ANK2: variants seen among roughly 807,000 people sequenced by gnomAD.
The protein encoded by ANK2 is ankyrin 2, also known as ankyrin-2.
In ANK2, 83 loss-of-function variants were observed where a neutral mutation model predicts 360.5. The observed-to-expected ratio is 0.23, with a 90% CI of 0.19 to 0.28. The LOEUF is 0.28. Ranked by LOEUF, ANK2 falls within the 10% of genes least tolerant of loss-of-function variation. The pLI is 1.00. For missense variants in ANK2, 4,201 were observed against 4,795.7 expected, an observed-to-expected ratio of 0.88 and a Z score of 3.66; for synonymous variants, 1,740 against 1,759.5, an observed-to-expected ratio of 0.99 and a Z score of 0.28.
Position 113,354,222 on chromosome 4 carries a change from T to A in ANK2, c.5604T>A (p.Pro1868=), listed in dbSNP as rs774827520. The A allele has an allele frequency of 6.2e-7, 1 of 1,613,876 alleles. No homozygotes were observed. The highest frequency in any genetic ancestry group is 1.3e-5 in the African/African-American group (1 of 74,888). ...SPSAKTERHS[P]ASSSSKTEKH... ...CTGCAAAAACGGAAAGACATTCACC[T>A]GCGTCATCATCGAGTAAAACTGAGA... Residue 1868 remains proline, a synonymous_variant, in exon 38 of 46, where the codon CCT becomes CCA. Transcript: ENST00000357077.
intron 2 of ANK2, among the ~76,000 whole-genome samples, chr4:113,007,819 G>A (rs1420789522): frequency 6.6e-6 from 1 of 152,132 alleles, no homozygotes; most frequent in Non-Finnish European, 1.5e-5. Context: ...CTTAACAAAA[G>A]CTAGTATTGG....
At chr4:113,142,685 T>A (rs1039383991) in intron 1 of ANK2, among the ~76,000 whole-genome samples, 1 of 151,990 alleles carries the variant, frequency 6.6e-6, no homozygotes, top group Non-Finnish European at 1.5e-5. Context: ...AGCAGAAAGT[T>A]TCTTTATTGG....
At chr4:113,115,744 A>C (rs1400092146) in intron 1 of ANK2, among the ~76,000 whole-genome samples, 1 of 152,192 alleles carries the variant, frequency 6.6e-6, no homozygotes, top group African/African-American at 2.4e-5. Flanking sequence ...TTCTTCATTT[A>C]TGGAAGCAGA....
At chr4:113,333,346 T>C in intron 29 of ANK2, 138 bp downstream of exon 29, 1 of 1,165,992 alleles carries the variant, frequency 8.6e-7, no homozygotes, top group Admixed American at 1.9e-5. Flanking sequence ...TGTGGTATTT[T>C]ACTACAGCAG....
At chr4:113,135,294 G>A (rs760319204) in intron 1 of ANK2, among the ~76,000 whole-genome samples, 28 of 152,264 alleles carry the variant, frequency 1.8e-4, no homozygotes, top group Non-Finnish European at 3.5e-4. Context: ...TAGATTAAAG[G>A]TAATTAAAGT....
intron 1 of ANK2, among the ~76,000 whole-genome samples, chr4:113,097,877 C>CATATATATATATATATATAT (rs1491243355): frequency 2.3e-5 from 3 of 131,774 alleles, no homozygotes; most frequent in African/African-American, 8.7e-5. Flanking sequence ...TATATATATG[C>CATATATATATATATATATAT]ACACACACAC....
chr4:113,135,523 C>CTGTGTGTG (rs33960021), intron 1 of ANK2, among the ~76,000 whole-genome samples: 3 of 149,312 alleles, frequency 2.0e-5, no homozygotes, highest in East Asian at 2.0e-4. Context: ...GTGTGTCTCT[C>CTGTGTGTG]TGTGTGTGTG....
intron 17 of ANK2, among the ~76,000 whole-genome samples, chr4:113,282,048 A>G (rs79455495): frequency 0.036 from 5,498 of 152,314 alleles, 246 homozygotes; most frequent in East Asian, 0.2. Flanking sequence ...ACTCAGTAAT[A>G]TTTGTTGAAC....
chr4:113,209,657 GA>G lies in ANK2; in HGVS notation c.384+10549del, dbSNP rs895723091. ...ACCTCCCTGATGGCTTGCAGGTAAAGATTTTTAAAGGCGGGGGTAAATTTCA... is the reference window on the plus strand; with the variant it reads ...ACCTCCCTGATGGCTTGCAGGTAAAGTTTTTAAAGGCGGGGGTAAATTTCA... On this transcript the variant is annotated intron_variant, in intron 4 of 45. Coordinates refer to ENST00000357077, the MANE Select transcript of ANK2 (RefSeq NM_001148.6). Among the ~76,000 whole-genome samples the G allele has an allele frequency of 1.8e-4, 27 of 152,086 alleles. 1 individual carries two copies. The highest frequency in any genetic ancestry group is 6.3e-4 in the African/African-American group (26 of 41,362).
chr4:113,128,201 C>G (rs2095789882), intron 1 of ANK2, among the ~76,000 whole-genome samples: 1 of 152,082 alleles, frequency 6.6e-6, no homozygotes, highest in African/African-American at 2.4e-5. Context: ...GTTTGGAGTC[C>G]TTAATTCAAA....
intron 1 of ANK2, among the ~76,000 whole-genome samples, chr4:113,077,554 A>C (rs2080614623): frequency 6.6e-6 from 1 of 152,230 alleles, no homozygotes; most frequent in Middle Eastern, 3.2e-3. Flanking sequence ...AGTTCTAAAG[A>C]CCATCTGCCC....
At chr4:112,892,784 G>A (rs533429555) in intron 1 of ANK2, among the ~76,000 whole-genome samples, 4 of 152,086 alleles carry the variant, frequency 2.6e-5, no homozygotes, top group African/African-American at 9.7e-5. Context: ...TGTTCTTTTT[G>A]TTCTTGTTAT....
intron 2 of ANK2, among the ~76,000 whole-genome samples, chr4:112,915,603 A>T (rs2089477147): frequency 6.6e-6 from 1 of 151,928 alleles, no homozygotes; most frequent in Non-Finnish European, 1.5e-5. Flanking sequence ...ATTTACAAAA[A>T]AATTAACTGG....
chr4:113,356,401 A>G lies in ANK2; in HGVS notation c.7783A>G (p.Ile2595Val). The G allele has an allele frequency of 6.2e-7, 1 of 1,614,180 alleles. No homozygotes were observed. The highest frequency in any genetic ancestry group is 8.5e-7 in the Non-Finnish European group (1 of 1,179,998). Reference protein sequence around the residue: ...EEEMFKMVTKIKMFDELEQEA... With the variant: ...EEEMFKMVTKVKMFDELEQEA... ...GGAGATGTTTAAAATGGTAACCAAA[A>G]TCAAAATGTTTGATGAACTTGAACA... The change falls in exon 38 of 46, where the codon ATC (isoleucine) becomes GTC (valine). Residue 2595 changes from isoleucine to valine, a missense_variant. Coordinates refer to ENST00000357077, the MANE Select transcript of ANK2 (RefSeq NM_001148.6).
Position 113,258,294 on chromosome 4 carries a change from C to T in ANK2, c.1288-19C>T, listed in dbSNP as rs1322914200. ...CCACCGGTGCAGAGGAGTAAAACTGCTGTTGCTTTGTTTCGCAGTCTGGCC... is the reference window on the plus strand; with the variant it reads ...CCACCGGTGCAGAGGAGTAAAACTGTTGTTGCTTTGTTTCGCAGTCTGGCC... On this transcript the variant is annotated intron_variant, in intron 12 of 45. Coordinates refer to ENST00000357077, the MANE Select transcript of ANK2 (RefSeq NM_001148.6). The T allele has an allele frequency of 3.1e-6, 5 of 1,612,324 alleles. No individual in the cohort carries two copies. The highest frequency in any genetic ancestry group is 1.7e-4 in the Middle Eastern group (1 of 5,812).
chr4:112,788,455 G>A, the ANK2 span: 12 of 1,601,620 alleles, frequency 7.5e-6, no homozygotes, highest in African/African-American at 1.5e-4. Context: ...CCAAGGTGGT[G>A]ACGGTGTTAA....
chr4:112,706,109 G>A, the ANK2 span, among the ~76,000 whole-genome samples: 2 of 151,364 alleles, frequency 1.3e-5, no homozygotes, highest in Non-Finnish European at 3.0e-5. Flanking sequence ...GGGAGACCCG[G>A]GCGTGACAGG....
At chr4:112,814,198 C>A (rs1560630930), upstream of ANK2, among the ~76,000 whole-genome samples, 1 of 152,144 alleles carries the variant, frequency 6.6e-6, no homozygotes, top group Admixed American at 6.5e-5. Flanking sequence ...AAGATCGCAT[C>A]CTTTAATTCA....
chr4:113,345,910 C>A lies in ANK2; in HGVS notation c.4259C>A (p.Thr1420Lys). Residue 1420 changes from threonine to lysine, a missense_variant, in exon 35 of 46, where the codon ACG becomes AAG. Physicochemically the swap from Thr to Lys is moderately conservative, Grantham distance 78. Around this residue, in one of 4 missense-constraint regions of ANK2, gnomAD observed 1,268 missense variants for 1,650.8 expected, o/e 0.77. Coordinates refer to ENST00000357077, the MANE Select transcript of ANK2 (RefSeq NM_001148.6). The part of the protein sequence containing the change: ...RLPLFVKVRD[T>K]TQEPCGRLSF... ...TCTTTCTTGTTCAAGGTACGCGATA[C>A]GACTCAGGAACCTTGCGGACGACTA... 1 of 1,613,302 alleles carries A rather than the reference C, an allele frequency of 6.2e-7. No homozygotes were observed. Among genetic ancestry groups the A allele is most frequent in the Non-Finnish European group, 8.5e-7 (1 of 1,179,420 alleles).
Sources: allele counts gnomAD v4.1 joint callset (sites outside exome capture counted in the v4.1 genomes callset), GRCh38; gene constraint gnomAD v4.1.1; regional missense constraint gnomAD v4.1.1; transcripts MANE v1.5; gene names NCBI Gene and HGNC (gene_info 2026-07-23, HGNC 2026-07-21).